The following TTC7B variants were observed in gnomAD, a reference collection of about 807,000 sequenced individuals.
The protein encoded by TTC7B is tetratricopeptide repeat domain 7B.
TTC7B carries 28 observed loss-of-function variants against 106.8 expected under a neutral mutation model. The ratio of observed to expected loss-of-function variants is 0.26; its 90% CI spans 0.19 to 0.36. The LOEUF is 0.36. Ranked by LOEUF, TTC7B falls within the 10% of genes least tolerant of loss-of-function variation. The pLI, the probability that TTC7B is intolerant of heterozygous loss-of-function variation, is 1.00. For synonymous variants in TTC7B, 405 were observed against 430.6 expected, an observed-to-expected ratio of 0.94 and a Z score of 0.74; for missense variants, 862 against 1,076.4, an observed-to-expected ratio of 0.80 and a Z score of 2.79.
intron 19 of TTC7B, among the ~76,000 whole-genome samples, chr14:90,546,559 C>T (rs1889840385): frequency 6.6e-6 from 1 of 152,196 alleles, no homozygotes; most frequent in Admixed American, 6.5e-5. Flanking sequence ...GAGCCCTTGT[C>T]CATCTGCCTG....
chr14:90,776,647 A>T (rs1187131889), intron 3 of TTC7B, among the ~76,000 whole-genome samples: 1 of 152,204 alleles, frequency 6.6e-6, no homozygotes. Context: ...AATCTAGGGT[A>T]TTCTCGAGTG....
intron 19 of TTC7B, chr14:90,567,485 G>A (rs1257961337): frequency 2.0e-5 from 3 of 152,172 alleles, no homozygotes; most frequent in African/African-American, 7.2e-5. Flanking sequence ...CTGAGCCTCG[G>A]AGAACAATGA....
At chr14:90,780,190 T>C (rs1322085155) in intron 3 of TTC7B, among the ~76,000 whole-genome samples, 1 of 152,160 alleles carries the variant, frequency 6.6e-6, no homozygotes, top group Non-Finnish European at 1.5e-5. Context: ...GAGACCAGCC[T>C]GACCAACATG....
Position 90,640,104 on chromosome 14 carries a change from C to G in TTC7B, c.1751+3944G>C, listed in dbSNP as rs145344949. Among the ~76,000 whole-genome samples, 40 of 152,210 alleles carry G rather than the reference C, an allele frequency of 2.6e-4. No individual in the cohort carries two copies. The South Asian group carries it at 6.0e-3, about 23-fold the overall frequency. ...GCCCAGCCTGGCCAACGTGGTGAAA[C>G]CCCATCACTACAAAAAATACAAAAA... On this transcript the variant is annotated intron_variant, in intron 15 of 19. Coordinates refer to ENST00000328459, the MANE Select transcript of TTC7B (RefSeq NM_001010854.2).
chr14:90,799,358 T>G lies in TTC7B; in HGVS notation c.122-13030A>C, dbSNP rs184607976. ...TTCAGCACCTGCCAGCACCAAGGAC[T>G]TACAGCTATGAACAGGACCTAGTGG... is the stretch of plus-strand genomic sequence containing the variant. On this transcript the variant is annotated intron_variant, in intron 1 of 19. Transcript: ENST00000328459. Among the ~76,000 whole-genome samples, 299 of 152,280 alleles carry G rather than the reference T, an allele frequency of 2.0e-3. 4 individuals carry two copies. Among genetic ancestry groups the G allele is most frequent in the African/African-American group, 6.4e-3 (264 of 41,562 alleles).
At chr14:90,811,208 G>A (rs2140065977) in intron 1 of TTC7B, among the ~76,000 whole-genome samples, 1 of 152,354 alleles carries the variant, frequency 6.6e-6, no homozygotes, top group Non-Finnish European at 1.5e-5. Flanking sequence ...CAAAGGTGTG[G>A]TCTTCTGATG....
chr14:90,752,992 A>G (rs746578127), intron 3 of TTC7B, among the ~76,000 whole-genome samples: 1 of 152,218 alleles, frequency 6.6e-6, no homozygotes, highest in Non-Finnish European at 1.5e-5. Flanking sequence ...TGGGCCTCCT[A>G]TTCTTTGTCT....
chr14:90,585,893 A>G (rs1310605442), intron 18 of TTC7B: 2 of 152,218 alleles, frequency 1.3e-5, no homozygotes, highest in Non-Finnish European at 2.9e-5. Flanking sequence ...CGTTACCAAC[A>G]CTCCCATACA....
chr14:90,572,038 T>C (rs553472978), intron 19 of TTC7B, among the ~76,000 whole-genome samples: 20 of 152,186 alleles, frequency 1.3e-4, no homozygotes, highest in East Asian at 9.7e-4. Context: ...CAGCAATTTT[T>C]CCCAAATCTC....
intron 7 of TTC7B, among the ~76,000 whole-genome samples, chr14:90,687,335 C>T (rs1239144339): frequency 6.6e-6 from 1 of 152,138 alleles, no homozygotes; most frequent in Non-Finnish European, 1.5e-5. Context: ...CTGTATTTTG[C>T]TTCTATAATT....
intron 15 of TTC7B, among the ~76,000 whole-genome samples, chr14:90,627,443 C>A (rs1206271101): frequency 6.6e-6 from 1 of 152,222 alleles, no homozygotes; most frequent in Non-Finnish European, 1.5e-5. Flanking sequence ...CCCAGATCCA[C>A]TGTCCTGGAA....
rs34296215 is a variant in TTC7B, at chr14:90,780,470, A to AAAAGAAAGAAAGAAAGAAAGAAAG, written c.445+267_445+268insCTTTCTTTCTTTCTTTCTTTCTTT. On this transcript the variant is annotated intron_variant, in intron 3 of 19. Coordinates refer to ENST00000328459, the MANE Select transcript of TTC7B (RefSeq NM_001010854.2). ...AGGAAAGAAAAGAAAGAAAGAAAGA[A>AAAAGAAAGAAAGAAAGAAAGAAAG]AAAGAAAGAAAGAAAGAAAGGAAAG... is the stretch of plus-strand genomic sequence containing the variant. 2.8e-3 allele frequency among the ~76,000 whole-genome samples: 416 copies of AAAAGAAAGAAAGAAAGAAAGAAAG among 146,446 alleles called. 5 individuals are homozygous for AAAAGAAAGAAAGAAAGAAAGAAAG. Among genetic ancestry groups the AAAAGAAAGAAAGAAAGAAAGAAAG allele is most frequent in the African/African-American group, 9.4e-3 (356 of 38,016 alleles).
At chr14:90,615,065 T>C (rs1227005413) in intron 16 of TTC7B, among the ~76,000 whole-genome samples, 8 of 152,126 alleles carry the variant, frequency 5.3e-5, no homozygotes, top group Admixed American at 5.2e-4. Context: ...CCTCGCCAAA[T>C]GTAAGAGAAT....
At chr14:90,609,806 A>G (rs898797493) in intron 17 of TTC7B, among the ~76,000 whole-genome samples, 6 of 152,222 alleles carry the variant, frequency 3.9e-5, no homozygotes, top group Non-Finnish European at 7.3e-5. Context: ...AGTCACCCAG[A>G]TTACAACTGA....
At position 90,742,261 on chromosome 14, in the gene TTC7B, T is replaced by C. The variant is rs573546639; in HGVS notation, c.576+2531A>G. Among the ~76,000 whole-genome samples the C allele has an allele frequency of 2.0e-5, 3 of 152,176 alleles. No homozygotes were observed. Among genetic ancestry groups the C allele is most frequent in the Admixed American group, 1.3e-4 (2 of 15,262 alleles). On this transcript the variant is annotated intron_variant, in intron 4 of 19. Transcript: ENST00000328459. This position sits in a 1 kb window ranked among gnomAD's most constrained non-coding sequence, Gnocchi z 4.1. Reference sequence around the variant, plus strand: ...TTTCTTTCTTCCTTTCTTTCTTTTTTTTCTTTTGTTTCTCTCTCTCTCCTT... The same window carrying C: ...TTTCTTTCTTCCTTTCTTTCTTTTTCTTCTTTTGTTTCTCTCTCTCTCCTT...
In TTC7B at chr14:90,695,849, C is replaced by A. The variant is rs886296726; in HGVS notation, c.699-271G>T. 4.7e-5 allele frequency among the ~76,000 whole-genome samples: 7 copies of A among 149,854 alleles called. No homozygotes were observed. The East Asian group carries it at 1.2e-3, about 25-fold the overall frequency. On this transcript the variant is annotated intron_variant, in intron 5 of 19. Coordinates refer to ENST00000328459, the MANE Select transcript of TTC7B (RefSeq NM_001010854.2). ...GCCAACAAATTAAAAAGCAAGATAC[C>A]TTAGAAGAGTCTGTGTTCAAACTCT...
chr14:90,636,323 C>G (rs1884940041), intron 15 of TTC7B, among the ~76,000 whole-genome samples: 1 of 148,938 alleles, frequency 6.7e-6, no homozygotes, highest in Admixed American at 6.7e-5. Context: ...ACAACATAAT[C>G]ATAAAAGGTT....
At chr14:90,749,347 T>C (rs954964454) in intron 3 of TTC7B, among the ~76,000 whole-genome samples, 1 of 152,088 alleles carries the variant, frequency 6.6e-6, no homozygotes, top group African/African-American at 2.4e-5. Context: ...TTAGGCCATG[T>C]GAAGTTGTCC....
At chr14:90,804,191 CG>C (rs1297081425) in intron 1 of TTC7B, among the ~76,000 whole-genome samples, 1 of 152,002 alleles carries the variant, frequency 6.6e-6, no homozygotes, top group Admixed American at 6.6e-5. Context: ...AAAAATTAGC[CG>C]GGCGTGGTGG....
Sources: gnomAD v4.1 joint callset for allele counts (sites outside exome capture counted in the v4.1 genomes callset) on GRCh38, gnomAD v4.1.1 for gene constraint, Gnocchi (gnomAD v3.1) non-coding constraint, MANE v1.5 for transcripts, NCBI Gene and HGNC (gene_info 2026-07-23, HGNC 2026-07-21) for gene names.